ANTXRL: variants seen among roughly 807,000 people sequenced by gnomAD.
The protein encoded by ANTXRL is anthrax toxin receptor-like.
ANTXRL carries 63 observed loss-of-function variants against 75.4 expected under a neutral mutation model. The ratio of observed to expected loss-of-function variants is 0.84; its 90% confidence interval spans 0.68 to 1.03. The LOEUF (loss-of-function observed/expected upper bound fraction) is 1.03. ANTXRL is among the 50% of genes least tolerant of loss of function. The pLI, the probability that ANTXRL is intolerant of heterozygous loss-of-function variation, is 0.00. For missense variants in ANTXRL, 797 were observed against 789.4 expected, an observed-to-expected ratio of 1.01 and a Z score of -0.12; for synonymous variants, 335 against 291.3, an observed-to-expected ratio of 1.15 and a Z score of -1.53.
Position 46,328,698 on chromosome 10 carries a change from C to T in ANTXRL, c.1411-901C>T, listed in dbSNP as rs372074237. Among the ~76,000 whole-genome samples, 16 of 151,952 alleles carry T rather than the reference C, an allele frequency of 1.1e-4. No individual in the cohort carries two copies. In the South Asian group the frequency reaches 2.7e-3, roughly 26 times the overall value. ...GTTTGTTACATCGGTAAATATGTGC[C>T]GTGGTGGTTTGTTGCACCACATTGC... is the stretch of plus-strand genomic sequence containing the variant. On this transcript the variant is annotated intron_variant, in intron 16 of 16. Transcript: ENST00000620264.
intron 12 of ANTXRL, among the ~76,000 whole-genome samples, chr10:46,307,999 G>T (rs1458253189): frequency 5.9e-5 from 9 of 152,146 alleles, no homozygotes; most frequent in African/African-American, 2.2e-4. Flanking sequence ...GCTCCAAGAG[G>T]CCCCTGGGAA....
chr10:46,301,306 C>T (rs4926079), intron 9 of ANTXRL, among the ~76,000 whole-genome samples: 24,992 of 152,098 alleles, frequency 0.16, 2,537 homozygotes, highest in African/African-American at 0.29. Context: ...GGAGAGGACC[C>T]CAGGCTTGCC....
At chr10:46,312,835 G>C (rs1388450123) in intron 15 of ANTXRL, among the ~76,000 whole-genome samples, 1 of 150,602 alleles carries the variant, frequency 6.6e-6, no homozygotes, top group African/African-American at 2.4e-5. Context: ...GCAGGGCATG[G>C]TCCTCTCACC....
At chr10:46,297,622 T>A (rs4539251) in intron 7 of ANTXRL, 148 bp downstream of exon 7, 369,564 of 874,372 alleles carry the variant, frequency 0.42, 74,672 homozygotes, top group Non-Finnish European at 0.46. Flanking sequence ...ATTGACAGCA[T>A]GTTGTATAAA....
intron 2 of ANTXRL, among the ~76,000 whole-genome samples, chr10:46,293,281 A>T (rs1350172655): frequency 5.0e-5 from 6 of 119,360 alleles, no homozygotes; most frequent in South Asian, 2.8e-4. Flanking sequence ...CGTGTGTGAG[A>T]GTGTGTGCGT....
At chr10:46,325,092 G>C (rs2043252927) in intron 16 of ANTXRL, among the ~76,000 whole-genome samples, 1 of 151,942 alleles carries the variant, frequency 6.6e-6, no homozygotes, top group African/African-American at 2.4e-5. Context: ...CATTGCACAG[G>C]ATTCCCAGCT....
intron 16 of ANTXRL, among the ~76,000 whole-genome samples, chr10:46,323,690 C>A (rs1839083465): frequency 6.6e-6 from 1 of 152,104 alleles, no homozygotes; most frequent in Admixed American, 6.6e-5. Flanking sequence ...GCCTATGTTT[C>A]CCCCATGTTC....
intron 9 of ANTXRL, among the ~76,000 whole-genome samples, chr10:46,299,795 G>A (rs1282739807): frequency 1.3e-5 from 2 of 152,188 alleles, no homozygotes; most frequent in Non-Finnish European, 2.9e-5. Flanking sequence ...GCACTGGGCT[G>A]TGCAGGGACT....
chr10:46,301,168 A>G (rs1554960459), intron 9 of ANTXRL, among the ~76,000 whole-genome samples: 1 of 152,254 alleles, frequency 6.6e-6, no homozygotes, highest in African/African-American at 2.4e-5. Context: ...CCACAGGCCC[A>G]GTTGCTCCCT....
In ANTXRL at chr10:46,311,644, G is replaced by C; in HGVS notation, c.1308G>C (p.Val436=). ...VIICCCGCQG[V]GGMRRIEGNL... ...TTTGTTGCTGTGGATGCCAAGGAGT[G>C]GGCGGGATGAGAAGGATAGAGGTGA... is the stretch of plus-strand genomic sequence containing the variant. The change falls in exon 15 of 17, where the codon GTG becomes GTC. Residue 436 remains valine (V), a synonymous_variant. Coordinates refer to ENST00000620264, the MANE Select transcript of ANTXRL (RefSeq NM_001278688.3). The C allele has an allele frequency of 8.4e-7, 1 of 1,185,648 alleles. No individual in the cohort carries two copies. The highest frequency in any genetic ancestry group is 1.2e-6 in the Non-Finnish European group (1 of 826,742). 73.4% of individuals were successfully genotyped at this position (1,185,648 alleles called of 1,614,324 possible).
At chr10:46,291,845 A>G (rs1554956555) in intron 1 of ANTXRL, among the ~76,000 whole-genome samples, 1 of 152,098 alleles carries the variant, frequency 6.6e-6, no homozygotes, top group African/African-American at 2.4e-5. Context: ...TCCCAGGCAG[A>G]TGGGGCTGGG....
rs1554967132 is a variant in ANTXRL at position 46,329,673 on chromosome 10, A to G, written c.1485A>G (p.Pro495=). 1 of 1,536,182 alleles carries G rather than the reference A, an allele frequency of 6.5e-7. No homozygotes were observed. Among genetic ancestry groups the G allele is most frequent in the South Asian group, 1.2e-5 (1 of 84,024 alleles). The change falls in exon 17 of 17, where the codon CCA becomes CCG. Residue 495 remains proline, a synonymous_variant. Transcript: ENST00000620264. ...QAPCCPRICF[P]HSQECLSLPQ... ...CCTGCTGCCCAAGGATCTGCTTTCC[A>G]CACAGCCAGGAGTGCCTTTCCCTAC...
chr10:46,309,234 C>A, intron 13 of ANTXRL, 32 bp downstream of exon 13: 1 of 1,535,332 alleles, frequency 6.5e-7, no homozygotes. Context: ...AGCTCTGGGG[C>A]CCAGGCACAG....
intron 16 of ANTXRL, among the ~76,000 whole-genome samples, chr10:46,324,902 A>G (rs1226574511): frequency 2.6e-5 from 4 of 152,122 alleles, no homozygotes; most frequent in African/African-American, 9.7e-5. Flanking sequence ...TCACTGTTAC[A>G]TAGTAGAAAG....
rs144073152 is a variant in ANTXRL, at chr10:46,328,674, T to C, written c.1411-925T>C. On this transcript the variant is annotated intron_variant, in intron 16 of 16. Transcript: ENST00000620264. ...GGGATACATGTGCAGGATGTGCAGG[T>C]TTGTTACATCGGTAAATATGTGCCG... is the stretch of plus-strand genomic sequence containing the variant. Among the ~76,000 whole-genome samples the C allele has an allele frequency of 3.8e-3, 585 of 152,116 alleles. 2 individuals are homozygous for C. The highest frequency in any genetic ancestry group is 0.014 in the African/African-American group (568 of 41,470).
chr10:46,311,404 G>T (rs1269774550), intron 14 of ANTXRL, 106 bp from the exon 15 acceptor site: 2 of 1,398,590 alleles, frequency 1.4e-6, no homozygotes, highest in Non-Finnish European at 1.9e-6. Flanking sequence ...CTCCACTGTG[G>T]TGTGGGTTTC....
intron 10 of ANTXRL, among the ~76,000 whole-genome samples, chr10:46,306,125 ACT>A: frequency 6.6e-6 from 1 of 151,988 alleles, no homozygotes; most frequent in Non-Finnish European, 1.5e-5. Context: ...GGCACATGCC[ACT>A]CTCTCAGCCC....
chr10:46,298,830 G>A (rs1362492440), intron 9 of ANTXRL, among the ~76,000 whole-genome samples: 4 of 151,752 alleles, frequency 2.6e-5, no homozygotes, highest in Non-Finnish European at 1.5e-5. Flanking sequence ...GGTGTGATGT[G>A]TGTGGTATGG....
At chr10:46,322,046 T>C (rs1279378781) in intron 16 of ANTXRL, among the ~76,000 whole-genome samples, 1 of 152,108 alleles carries the variant, frequency 6.6e-6, no homozygotes, top group Non-Finnish European at 1.5e-5. Flanking sequence ...GCTGGAGATT[T>C]CTCCAGCGAG....
Sources: allele counts gnomAD v4.1 joint callset (sites outside exome capture counted in the v4.1 genomes callset), GRCh38; gene constraint gnomAD v4.1.1; transcripts MANE v1.5; gene names NCBI Gene and HGNC (gene_info 2026-07-23, HGNC 2026-07-21).